MYBPC1: variants seen among roughly 807,000 people sequenced by gnomAD.
The protein encoded by MYBPC1 is myosin binding protein C1.
In MYBPC1, 52 loss-of-function variants were observed where a neutral mutation model predicts 147.1. The observed-to-expected ratio is 0.35, with a 90% CI of 0.28 to 0.45. The LOEUF is 0.45. Among genes scored for constraint, MYBPC1 ranks in the 20% least tolerant of loss-of-function variants. MYBPC1 has a pLI of 1.00. For synonymous variants in MYBPC1, 477 were observed against 475.9 expected, an observed-to-expected ratio of 1.00 and a Z score of -0.03; for missense variants, 1,228 against 1,440.3, an observed-to-expected ratio of 0.85 and a Z score of 2.39.
intron 23 of MYBPC1, among the ~76,000 whole-genome samples, chr12:101,668,977 C>G (rs1158109297): frequency 1.3e-5 from 2 of 152,060 alleles, no homozygotes; most frequent in African/African-American, 4.8e-5. Flanking sequence ...GTCCCAGCTA[C>G]TCAGGAGGCT....
In MYBPC1 at chr12:101,671,458, G is replaced by A. The variant is rs116165498; in HGVS notation, c.2613+1049G>A. On this transcript the variant is annotated intron_variant, in intron 24 of 31. Transcript: ENST00000361466. Reference sequence around the variant, plus strand: ...ATTCAGGCCATCCTCATTGCACTCCGGGTGCAAACCTAAGGAGAGACATTG... The same window carrying A: ...ATTCAGGCCATCCTCATTGCACTCCAGGTGCAAACCTAAGGAGAGACATTG... Among the ~76,000 whole-genome samples, 553 of 152,236 alleles carry A rather than the reference G, an allele frequency of 3.6e-3. 6 individuals carry two copies. Among genetic ancestry groups the A allele is most frequent in the African/African-American group, 0.012 (513 of 41,534 alleles).
chr12:101,634,001 A>T (rs1329753507), intron 8 of MYBPC1, among the ~76,000 whole-genome samples: 1 of 149,936 alleles, frequency 6.7e-6, no homozygotes, highest in Admixed American at 6.7e-5. Context: ...GGTTCACGCC[A>T]TTCTCCTGCC....
chr12:101,641,679 AC>A (rs1892075787), intron 10 of MYBPC1, among the ~76,000 whole-genome samples: 1 of 152,176 alleles, frequency 6.6e-6, no homozygotes, highest in Non-Finnish European at 1.5e-5. Context: ...CTTCCAAAAA[AC>A]ATTCAAGACA....
At chr12:101,690,176 A>C (rs1028473354), downstream of MYBPC1, among the ~76,000 whole-genome samples, 2 of 148,780 alleles carry the variant, frequency 1.3e-5, no homozygotes, top group Admixed American at 6.7e-5. Flanking sequence ...ACTCCATCTA[A>C]AAAAAAAAAG....
intron 25 of MYBPC1, 133 bp downstream of exon 25, chr12:101,673,755 A>T (rs953551210): frequency 5.9e-6 from 6 of 1,022,680 alleles, no homozygotes; most frequent in South Asian, 1.4e-5. Context: ...TTTATTTTTT[A>T]AAAATAGATA....
At chr12:101,606,443 C>A (rs369646698) in intron 1 of MYBPC1, among the ~76,000 whole-genome samples, 1 of 151,328 alleles carries the variant, frequency 6.6e-6, no homozygotes, top group Non-Finnish European at 1.5e-5. Context: ...ACTTTGAGAA[C>A]CACTAATATA....
chr12:101,642,537 A>G lies in MYBPC1; in HGVS notation c.784A>G (p.Met262Val). ...FQYGITDLRG[M>V]LKRLKRMRRE... ...GTATGGAATCACCGACCTGCGCGGC[A>G]TGCTCAAGCGACTCAAGCGCATGCG... is the stretch of plus-strand genomic sequence containing the variant. The change falls in exon 11 of 32, where the codon ATG (methionine) becomes GTG (valine). Residue 262 changes from methionine (M) to valine (V), a missense_variant. By Grantham distance (21) the Met-to-Val change is conservative. This residue lies in a region of MYBPC1 where 1,077 missense variants were observed against 1,314.2 expected (regional missense o/e 0.82). Transcript: ENST00000361466. The G allele has an allele frequency of 6.2e-7, 1 of 1,613,484 alleles. No individual in the cohort carries two copies. The highest frequency in any genetic ancestry group is 1.3e-5 in the African/African-American group (1 of 75,046).
chr12:101,659,044 A>G (rs1337825038), intron 18 of MYBPC1, among the ~76,000 whole-genome samples: 2 of 151,312 alleles, frequency 1.3e-5, no homozygotes, highest in Non-Finnish European at 2.9e-5. Flanking sequence ...AAGTGAAAAA[A>G]AAGAAGAAGA....
Position 101,685,952 on chromosome 12 carries a change from A to C in MYBPC1, c.*390A>C, listed in dbSNP as rs1168944917. The C allele has an allele frequency of 4.5e-6, 1 of 223,880 alleles. No homozygotes were observed. Among genetic ancestry groups the C allele is most frequent in the African/African-American group, 2.3e-5 (1 of 43,212 alleles). 13.9% of individuals were successfully genotyped at this position (223,880 alleles called of 1,614,324 possible). A position where few individuals can be genotyped will look rare whatever the true frequency, so the allele number is the denominator to read the frequency against. On this transcript the variant is annotated 3_prime_UTR_variant, in exon 32 of 32. Coordinates refer to ENST00000361466, the MANE Select transcript of MYBPC1 (RefSeq NM_002465.4). ...AAATGCAAGTCATAGAATAAGCAAA[A>C]GCAGTTATTTTTGTTTACATAGTAG...
the MYBPC1 span, among the ~76,000 whole-genome samples, chr12:101,695,809 TGAGA>T: frequency 6.6e-6 from 1 of 152,154 alleles, no homozygotes; most frequent in Non-Finnish European, 1.5e-5. Context: ...TTCTTTTATG[TGAGA>T]GAGAAATAAA....
At chr12:101,646,938 C>T in intron 13 of MYBPC1, 51 bp downstream of exon 13, 1 of 1,605,240 alleles carries the variant, frequency 6.2e-7, no homozygotes, top group Non-Finnish European at 8.5e-7. Flanking sequence ...GGCTTCTTCT[C>T]CCAGGGATAA....
intron 10 of MYBPC1, 93 bp from the exon 11 acceptor site, chr12:101,642,324 TAC>T: frequency 7.5e-7 from 1 of 1,336,694 alleles, no homozygotes; most frequent in South Asian, 1.2e-5. Flanking sequence ...AGAGCTTTTT[TAC>T]ACTGAACTGA....
chr12:101,688,335 C>T (rs1182225034), downstream of MYBPC1, among the ~76,000 whole-genome samples: 1 of 150,384 alleles, frequency 6.6e-6, no homozygotes, highest in Non-Finnish European at 1.5e-5. Context: ...ACAAGAATAG[C>T]TTGAACCCGG....
intron 11 of MYBPC1, among the ~76,000 whole-genome samples, chr12:101,643,729 T>G (rs969171646): frequency 4.6e-5 from 7 of 152,192 alleles, no homozygotes; most frequent in African/African-American, 1.7e-4. Flanking sequence ...TTTAGGACCC[T>G]TCAAAGACAA....
At chr12:101,686,887 A>G (rs1028958386), downstream of MYBPC1, among the ~76,000 whole-genome samples, 3 of 152,150 alleles carry the variant, frequency 2.0e-5, no homozygotes, top group Non-Finnish European at 2.9e-5. Flanking sequence ...TGTCCAAACT[A>G]TGTTGGCTCT....
At chr12:101,630,172 C>T (rs1011960905) in intron 6 of MYBPC1, among the ~76,000 whole-genome samples, 3 of 152,192 alleles carry the variant, frequency 2.0e-5, no homozygotes, top group African/African-American at 7.2e-5. Context: ...GCTTCTTTCA[C>T]TTAGCATAAT....
chr12:101,617,642 G>A (rs1886437976), intron 3 of MYBPC1, among the ~76,000 whole-genome samples: 1 of 151,984 alleles, frequency 6.6e-6, no homozygotes, highest in South Asian at 2.1e-4. Flanking sequence ...CTGTTCCAGG[G>A]TTCACTAATA....
In MYBPC1 at chr12:101,663,459, A is replaced by T. The variant is rs767531136; in HGVS notation, c.2255A>T (p.Asp752Val). The change falls in exon 22 of 32, where the codon GAC (aspartate) becomes GTC (valine). Residue 752 changes from aspartate to valine, a missense_variant. By Grantham distance (152) the Asp-to-Val change is radical. Coordinates refer to ENST00000361466, the MANE Select transcript of MYBPC1 (RefSeq NM_002465.4). ...VTSPPTLLTV[D>V]SVTDTTVTMR... ...AGCCCTCCTACTCTTCTGACTGTGGACTCTGTCACTGACACGACTGTCACG... is the reference window on the plus strand; with the variant it reads ...AGCCCTCCTACTCTTCTGACTGTGGTCTCTGTCACTGACACGACTGTCACG... 6.2e-7 allele frequency: 1 copy of T among 1,613,660 alleles called. No homozygotes were observed. Among genetic ancestry groups the T allele is most frequent in the African/African-American group, 1.3e-5 (1 of 74,932 alleles).
chr12:101,644,365 C>T (rs1055304768), intron 11 of MYBPC1, among the ~76,000 whole-genome samples: 5 of 152,164 alleles, frequency 3.3e-5, no homozygotes, highest in African/African-American at 1.2e-4. Context: ...TCACTTTCAT[C>T]TGAACGCTTT....
Sources: allele counts gnomAD v4.1 joint callset (sites outside exome capture counted in the v4.1 genomes callset), GRCh38; gene constraint gnomAD v4.1.1; regional missense constraint gnomAD v4.1.1; transcripts MANE v1.5; gene names NCBI Gene and HGNC (gene_info 2026-07-23, HGNC 2026-07-21).